SND1: variants seen among roughly 807,000 people sequenced by gnomAD.
SND1 encodes the protein staphylococcal nuclease domain-containing protein 1.
A neutral mutation model predicts 121.7 loss-of-function variants in SND1; 38 were observed. The ratio of observed to expected loss-of-function variants is 0.31; its 90% confidence interval spans 0.24 to 0.41. The LOEUF (loss-of-function observed/expected upper bound fraction) is 0.41. SND1 is among the 10% of genes least tolerant of loss of function. The pLI is 1.00. For synonymous variants in SND1, 401 were observed against 447.4 expected (o/e 0.90, Z 1.31); for missense variants, 868 against 1,184.6 (o/e 0.73, Z 3.92).
At chr7:127,819,643 C>T (rs778628424) in intron 11 of SND1, among the ~76,000 whole-genome samples, 4 of 152,234 alleles carry the variant, frequency 2.6e-5, no homozygotes, top group African/African-American at 4.8e-5. Context: ...TCACCTCACC[C>T]GCTTTCTATT....
At chr7:127,741,163 T>C (rs947974210) in intron 10 of SND1, among the ~76,000 whole-genome samples, 4 of 152,198 alleles carry the variant, frequency 2.6e-5, no homozygotes, top group African/African-American at 9.7e-5. Flanking sequence ...AGAGCCATAA[T>C]GTGGCCTGAT....
At chr7:127,740,173 G>A (rs567235397) in intron 10 of SND1, among the ~76,000 whole-genome samples, 31 of 152,308 alleles carry the variant, frequency 2.0e-4, no homozygotes, top group African/African-American at 7.2e-4. Context: ...CCTGCTGTAA[G>A]GGTAACTGGC....
chr7:128,048,719 A>C (rs1792995488), intron 16 of SND1, among the ~76,000 whole-genome samples: 1 of 152,144 alleles, frequency 6.6e-6, no homozygotes, highest in Non-Finnish European at 1.5e-5. Context: ...AGACGGCAGA[A>C]AGCTATTAGA....
At chr7:127,853,004 T>G (rs1799200361) in intron 12 of SND1, among the ~76,000 whole-genome samples, 1 of 147,350 alleles carries the variant, frequency 6.8e-6, no homozygotes, top group Admixed American at 6.7e-5. Flanking sequence ...TGCAGTTACG[T>G]AGGTCTACTT....
intron 10 of SND1, among the ~76,000 whole-genome samples, chr7:127,789,245 A>G (rs1188144382): frequency 6.6e-6 from 1 of 152,198 alleles, no homozygotes; most frequent in Non-Finnish European, 1.5e-5. Flanking sequence ...GCCTGTGATG[A>G]TTCACTGTTA....
Position 128,092,307 on chromosome 7 carries a change from T to C in SND1, c.*249T>C. On this transcript the variant is annotated 3_prime_UTR_variant, in exon 24 of 24. Coordinates refer to ENST00000354725, the MANE Select transcript of SND1 (RefSeq NM_014390.4). This position sits in a 1 kb window ranked among gnomAD's most constrained non-coding sequence, Gnocchi z 4.9. Reference sequence around the variant, plus strand: ...ACAGTCTCTGCCAGTTGGTTTTATTTGGAGGTTTGTGGGCTTTTTTTAAAA... The same window carrying C: ...ACAGTCTCTGCCAGTTGGTTTTATTCGGAGGTTTGTGGGCTTTTTTTAAAA... The C allele has an allele frequency of 2.1e-6, 1 of 483,270 alleles. No homozygotes were observed. Among genetic ancestry groups the C allele is most frequent in the Non-Finnish European group, 3.7e-6 (1 of 272,890 alleles). The allele number at this position is 483,270 out of a possible 1,614,324, so 29.9% of individuals were successfully genotyped here. A position where few individuals can be genotyped will look rare whatever the true frequency, so the allele number is the denominator to read the frequency against.
rs59825900 is a variant in SND1, at chr7:127,953,151, CGTGTGTGTGTGTGTGTGTGT to C, written c.1669+23873_1669+23892del. Among the ~76,000 whole-genome samples the C allele has an allele frequency of 3.6e-3, 332 of 92,336 alleles. 3 individuals are homozygous for C. The highest frequency in any genetic ancestry group is 0.017 in the South Asian group (38 of 2,240). The allele number at this position is 92,336 out of a possible 152,430, so 60.6% of individuals were successfully genotyped here. A position where few individuals can be genotyped will look rare whatever the true frequency, so the allele number is the denominator to read the frequency against. On this transcript the variant is annotated intron_variant, in intron 15 of 23. Coordinates refer to ENST00000354725, the MANE Select transcript of SND1 (RefSeq NM_014390.4). ...TGCACTCCAGCCTGGGTGACAAGAC[CGTGTGTGTGTGTGTGTGTGT>C]GTGTGTGTGTGTGTGTGTGTGTGTG...
chr7:127,816,269 C>G (rs907475894), intron 11 of SND1, among the ~76,000 whole-genome samples: 1 of 152,134 alleles, frequency 6.6e-6, no homozygotes, highest in Non-Finnish European at 1.5e-5. Flanking sequence ...CTTGGTGAGC[C>G]GTGCTCATCC....
chr7:127,920,022 T>C (rs1800665660), intron 14 of SND1, among the ~76,000 whole-genome samples: 1 of 152,212 alleles, frequency 6.6e-6, no homozygotes, highest in South Asian at 2.1e-4. Context: ...TTTGAGTAGA[T>C]ACAATTAAGT....
intron 14 of SND1, among the ~76,000 whole-genome samples, chr7:127,926,549 C>CTTTTTTTTTTTTTTTTT (rs71160605): frequency 2.1e-3 from 194 of 90,556 alleles, no homozygotes; most frequent in East Asian, 2.3e-3. Context: ...TTTTCTTTTT[C>CTTTTTTTTTTTTTTTTT]TTTTTTTTTT....
intron 1 of SND1, among the ~76,000 whole-genome samples, chr7:127,676,196 C>A (rs2116277409): frequency 6.6e-6 from 1 of 152,292 alleles, no homozygotes; most frequent in East Asian, 1.9e-4. Flanking sequence ...GTTTTCTCAT[C>A]TGCAAAATGA....
intron 12 of SND1, among the ~76,000 whole-genome samples, chr7:127,850,265 GT>G (rs1365428066): frequency 6.6e-6 from 1 of 152,126 alleles, no homozygotes; most frequent in Non-Finnish European, 1.5e-5. Context: ...TAGCTTTGAG[GT>G]TTTTCACTGT....
intron 9 of SND1, among the ~76,000 whole-genome samples, chr7:127,720,191 C>G (rs712720): frequency 6.6e-6 from 1 of 152,168 alleles, no homozygotes; most frequent in Non-Finnish European, 1.5e-5. Flanking sequence ...AAAAAAGAGT[C>G]TAGCTCCTTT....
At chr7:127,784,038 C>G (rs1341218171) in intron 10 of SND1, among the ~76,000 whole-genome samples, 2 of 152,150 alleles carry the variant, frequency 1.3e-5, no homozygotes, top group Admixed American at 1.3e-4. Context: ...AAATTACTAA[C>G]TTTTGTTGAG....
intron 1 of SND1, among the ~76,000 whole-genome samples, chr7:127,667,678 A>T (rs879601810): frequency 5.9e-5 from 9 of 152,212 alleles, no homozygotes; most frequent in Non-Finnish European, 8.8e-5. Flanking sequence ...GTAGTGCCCA[A>T]ACTAAATCTT....
intron 16 of SND1, among the ~76,000 whole-genome samples, chr7:128,005,377 C>A (rs1435123735): frequency 6.6e-6 from 1 of 152,242 alleles, no homozygotes; most frequent in Non-Finnish European, 1.5e-5. Context: ...CAGGGAAATA[C>A]ATGCAGGCTT....
At chr7:127,921,839 C>T (rs143895730) in intron 14 of SND1, among the ~76,000 whole-genome samples, 3 of 152,270 alleles carry the variant, frequency 2.0e-5, no homozygotes, top group South Asian at 4.1e-4. Context: ...GAGATTCATA[C>T]GTGTTGTTGC....
chr7:127,789,700 C>G (rs912669903), intron 10 of SND1, among the ~76,000 whole-genome samples: 1 of 152,332 alleles, frequency 6.6e-6, no homozygotes, highest in Admixed American at 6.5e-5. Context: ...CATGATAGTT[C>G]TTTCAGGCCT....
At chr7:127,688,133 TAAG>T (rs1012575039) in intron 2 of SND1, among the ~76,000 whole-genome samples, 1 of 152,172 alleles carries the variant, frequency 6.6e-6, no homozygotes, top group Admixed American at 6.5e-5. Flanking sequence ...CAAAAGTAGT[TAAG>T]AACCATTGTT....
Sources: gnomAD v4.1 joint callset for allele counts (sites outside exome capture counted in the v4.1 genomes callset) on GRCh38, gnomAD v4.1.1 for gene constraint, Gnocchi (gnomAD v3.1) non-coding constraint, MANE v1.5 for transcripts, NCBI Gene and HGNC (gene_info 2026-07-23, HGNC 2026-07-21) for gene names.